The following EMC8 variants were observed in gnomAD, a reference collection of about 807,000 sequenced individuals.
The protein encoded by EMC8 is ER membrane protein complex subunit 8.
Under a neutral mutation model 24.3 loss-of-function variants are expected in EMC8, and 11 were observed. That is an observed-to-expected ratio of 0.45 (90% CI 0.28 to 0.75). The LOEUF (loss-of-function observed/expected upper bound fraction) is 0.75, where lower values mean the gene tolerates loss of function less well. EMC8 is among the 30% of genes least tolerant of loss of function. EMC8 has a pLI of 0.12. For synonymous variants in EMC8, 145 were observed against 117.7 expected (o/e 1.23, Z -1.50); for missense variants, 277 against 282.7 (o/e 0.98, Z 0.14).
chr16:85,786,448 G>C (rs991912205), intron 2 of EMC8, among the ~76,000 whole-genome samples: 6 of 152,152 alleles, frequency 3.9e-5, no homozygotes, highest in Non-Finnish European at 7.3e-5. Context: ...TTCTCCGGCT[G>C]GTTTCTTCAC....
At chr16:85,780,139 A>C in intron 4 of EMC8, 2 of 598,616 alleles carry the variant, frequency 3.3e-6, no homozygotes, top group Non-Finnish European at 5.9e-6. Context: ...ATCAAAGCAC[A>C]GGCCTGGGAA....
intron 1 of EMC8, 154 bp downstream of exon 1, chr16:85,798,911 G>A: frequency 1.7e-6 from 1 of 586,770 alleles, no homozygotes; most frequent in East Asian, 2.9e-5. Context: ...CAAGACCCAA[G>A]CGCCATCGTG....
In EMC8 at chr16:85,799,329, G is replaced by T; in HGVS notation, c.-34C>A. Reference sequence around the variant, plus strand: ...GGGAGGGCCCCGGAGGCCCCTGGGCGCGCGGCTGAGGCCTGGACCCGCTGC... The same window carrying T: ...GGGAGGGCCCCGGAGGCCCCTGGGCTCGCGGCTGAGGCCTGGACCCGCTGC... On this transcript the variant is annotated 5_prime_UTR_variant, in exon 1 of 5. Transcript: ENST00000253457. The surrounding 1 kb of genome is among the most constrained non-coding windows in gnomAD (Gnocchi z 4.2). 1 of 1,469,802 alleles carries T rather than the reference G, an allele frequency of 6.8e-7. No homozygotes were observed. Among genetic ancestry groups the T allele is most frequent in the Non-Finnish European group, 9.3e-7 (1 of 1,080,664 alleles). 91.0% of individuals were successfully genotyped at this position (1,469,802 alleles called of 1,614,324 possible).
rs1904799997 is a variant in EMC8 at position 85,787,327 on chromosome 16, C to T, written c.308+1647G>A. Reference sequence around the variant, plus strand: ...TTACAGGACACCATGCCCTGGACTTCTGGGATCATCCTACCAGGTCTAAGT... The same window carrying T: ...TTACAGGACACCATGCCCTGGACTTTTGGGATCATCCTACCAGGTCTAAGT... On this transcript the variant is annotated intron_variant, in intron 2 of 4. Coordinates refer to ENST00000253457, the MANE Select transcript of EMC8 (RefSeq NM_006067.5). Among the ~76,000 whole-genome samples, 8 of 152,228 alleles carry T rather than the reference C, an allele frequency of 5.3e-5. No homozygotes were observed. The South Asian group carries it at 1.7e-3, about 32-fold the overall frequency.
At chr16:85,784,143 C>T (rs961706094) in intron 2 of EMC8, among the ~76,000 whole-genome samples, 1 of 152,164 alleles carries the variant, frequency 6.6e-6, no homozygotes, top group Non-Finnish European at 1.5e-5. Flanking sequence ...GGACTACAGG[C>T]GCCCGCCACC....
At chr16:85,780,274 T>C (rs301164) in intron 4 of EMC8, 105 bp downstream of exon 4, 601,508 of 813,222 alleles carry the variant, frequency 0.74, 230,523 homozygotes, top group Non-Finnish European at 0.8. Flanking sequence ...GGTATCATGC[T>C]TCTGGAGAAA....
At chr16:85,787,760 T>G (rs1904820421) in intron 2 of EMC8, 1 of 152,366 alleles carries the variant, frequency 6.6e-6, no homozygotes, top group South Asian at 2.1e-4. Context: ...GGACTGACTT[T>G]GAGTGCAGCA....
chr16:85,799,141 G>C lies in EMC8; in HGVS notation c.155C>G (p.Thr52Ser), dbSNP rs148899206. ...GAGGGGGATGCAGTCCACGAAGAGG[G>C]TGTGGTGGGCGCCGGGGCCGCCCAG... ...LPLGGPGAHH[T>S]LFVDCIPLFH... is the part of the protein sequence containing the mutation. Residue 52 changes from threonine (T) to serine (S), a missense_variant, in exon 1 of 5, where the codon ACC becomes AGC. Thr to Ser is a moderately conservative substitution (Grantham distance 58). Transcript: ENST00000253457. The surrounding 1 kb of genome is among the most constrained non-coding windows in gnomAD (Gnocchi z 4.2). 1 of 1,603,450 alleles carries C rather than the reference G, an allele frequency of 6.2e-7. No individual in the cohort carries two copies. The highest frequency in any genetic ancestry group is 8.5e-7 in the Non-Finnish European group (1 of 1,175,300).
chr16:85,784,266 G>A (rs1904647775), intron 2 of EMC8: 1 of 152,226 alleles, frequency 6.6e-6, no homozygotes, highest in Non-Finnish European at 1.5e-5. Context: ...CCAAAGTGCT[G>A]GGAATATAGG....
intron 2 of EMC8, among the ~76,000 whole-genome samples, chr16:85,782,888 T>G (rs189167622): frequency 6.6e-6 from 1 of 152,300 alleles, no homozygotes; most frequent in East Asian, 1.9e-4. Context: ...TGCCCTCCTT[T>G]CCTGCATTCT....
chr16:85,784,899 A>G (rs1420773503), intron 2 of EMC8: 1 of 152,224 alleles, frequency 6.6e-6, no homozygotes, highest in Non-Finnish European at 1.5e-5. Context: ...ACACTCATTA[A>G]AAAGAAAAAC....
chr16:85,789,007 T>C lies in EMC8; in HGVS notation c.275A>G (p.Tyr92Cys). ...CTTTACTCGCTCATTAGCTTGATAA[T>C]AACCAGCAATCACGTAGCTATGATC... Reference protein sequence around the residue: ...CKDHSYVIAGYYQANERVKDA... With the variant: ...CKDHSYVIAGCYQANERVKDA... Residue 92 changes from tyrosine (Y) to cysteine (C), a missense_variant, in exon 2 of 5, where the codon TAT (tyrosine) becomes TGT (cysteine). Transcript: ENST00000253457. The C allele has an allele frequency of 1.2e-6, 2 of 1,613,960 alleles. No homozygotes were observed. Among genetic ancestry groups the C allele is most frequent in the Non-Finnish European group, 1.7e-6 (2 of 1,179,834 alleles).
At chr16:85,785,775 G>C (rs1361542819) in intron 2 of EMC8, among the ~76,000 whole-genome samples, 1 of 152,130 alleles carries the variant, frequency 6.6e-6, no homozygotes, top group Admixed American at 6.5e-5. Flanking sequence ...AACTGAAACT[G>C]CAGGCACCCT....
chr16:85,783,441 G>A lies in EMC8; in HGVS notation c.309-2161C>T, dbSNP rs533620045. Reference sequence around the variant, plus strand: ...CACAAGCAGCTGGGACCACAGGCACGTGCTACGAAGCTCAGCTTAGGCTCT... The same window carrying A: ...CACAAGCAGCTGGGACCACAGGCACATGCTACGAAGCTCAGCTTAGGCTCT... On this transcript the variant is annotated intron_variant, in intron 2 of 4. Transcript: ENST00000253457. Among the ~76,000 whole-genome samples the A allele has an allele frequency of 9.3e-4, 141 of 152,290 alleles. 1 individual carries two copies. The South Asian group carries it at 0.011, about 12-fold the overall frequency.
intron 2 of EMC8, among the ~76,000 whole-genome samples, chr16:85,788,034 G>A (rs1027528735): frequency 4.6e-5 from 7 of 152,220 alleles, no homozygotes; most frequent in East Asian, 3.9e-4. Flanking sequence ...GGACACTGGA[G>A]GGTCGGCTCT....
At chr16:85,780,073 G>T in intron 4 of EMC8, 1 of 604,456 alleles carries the variant, frequency 1.7e-6, no homozygotes, top group Non-Finnish European at 2.9e-6. Context: ...CTTTCACGTG[G>T]AATTCTGAGA....
intron 2 of EMC8, chr16:85,784,455 G>C (rs777264277): frequency 6.6e-6 from 1 of 152,082 alleles, no homozygotes; most frequent in Non-Finnish European, 1.5e-5. Flanking sequence ...TTGTATTTTC[G>C]TTTTCAAAAT....
At chr16:85,793,236 C>A (rs1431730535) in intron 1 of EMC8, among the ~76,000 whole-genome samples, 11 of 152,296 alleles carry the variant, frequency 7.2e-5, no homozygotes, top group African/African-American at 2.6e-4. Context: ...TGTGACTGTA[C>A]AATAACCGTA....
chr16:85,787,498 T>G (rs921758539), intron 2 of EMC8: 1 of 152,252 alleles, frequency 6.6e-6, no homozygotes, highest in Admixed American at 6.5e-5. Context: ...TAGTCTTTCA[T>G]GTAACAAAGA....
Sources: allele counts gnomAD v4.1 joint callset (sites outside exome capture counted in the v4.1 genomes callset), GRCh38; gene constraint gnomAD v4.1.1; non-coding constraint Gnocchi (gnomAD v3.1); transcripts MANE v1.5; gene names NCBI Gene and HGNC (gene_info 2026-07-23, HGNC 2026-07-21).